Variants in LRRIQ3 observed in about 807,000 individuals in gnomAD.
LRRIQ3 encodes leucine rich repeats and IQ motif containing 3.
In LRRIQ3, 75 loss-of-function variants were observed where a neutral mutation model predicts 59.3. The observed-to-expected ratio is 1.26, with a 90% confidence interval of 1.05 to 1.53. The LOEUF (loss-of-function observed/expected upper bound fraction) is 1.53. Ranked by LOEUF, LRRIQ3 falls within the 40% of genes most tolerant of loss-of-function variation. LRRIQ3 has a pLI of 0.00. For synonymous variants in LRRIQ3, 250 were observed against 231.3 expected (o/e 1.08, Z -0.73); for missense variants, 831 against 710.0 (o/e 1.17, Z -1.94).
At chr1:74,134,234 G>C (rs1357560714) in intron 4 of LRRIQ3, among the ~76,000 whole-genome samples, 1 of 151,904 alleles carries the variant, frequency 6.6e-6, no homozygotes, top group Non-Finnish European at 1.5e-5. Flanking sequence ...TTCACTAAAG[G>C]CATATAACCA....
chr1:74,032,568 C>A (rs1214535860), intron 7 of LRRIQ3, among the ~76,000 whole-genome samples: 1 of 152,064 alleles, frequency 6.6e-6, no homozygotes, highest in East Asian at 1.9e-4. Flanking sequence ...CATGTAAAAC[C>A]CTTCTTATAC....
At chr1:74,157,123 A>G (rs970369294) in intron 3 of LRRIQ3, among the ~76,000 whole-genome samples, 5 of 152,010 alleles carry the variant, frequency 3.3e-5, no homozygotes, top group East Asian at 1.9e-4. Flanking sequence ...TCTTTATTCT[A>G]TTCCCAACAT....
intron 7 of LRRIQ3, 57 bp downstream of exon 7, chr1:74,041,156 T>C: frequency 7.4e-7 from 1 of 1,352,590 alleles, no homozygotes; most frequent in Admixed American, 2.3e-5. Context: ...AAATTTAGCA[T>C]GCAATATTCA....
intron 3 of LRRIQ3, among the ~76,000 whole-genome samples, chr1:74,172,209 T>G (rs1348847218): frequency 6.6e-6 from 1 of 152,112 alleles, no homozygotes; most frequent in East Asian, 1.9e-4. Context: ...TTTTTCTTTT[T>G]TAAAATAGAT....
intron 6 of LRRIQ3, among the ~76,000 whole-genome samples, chr1:74,067,846 T>C (rs1458399513): frequency 6.6e-6 from 1 of 152,136 alleles, no homozygotes; most frequent in East Asian, 1.9e-4. Context: ...ATTTGTTATT[T>C]AGAAGCAGAC....
intron 4 of LRRIQ3, among the ~76,000 whole-genome samples, chr1:74,129,713 T>C (rs1223000936): frequency 6.6e-6 from 1 of 152,006 alleles, no homozygotes; most frequent in Admixed American, 6.6e-5. Flanking sequence ...CCAGTATGTC[T>C]CTCAGTCTCA....
rs1648289049 is a variant in LRRIQ3, at chr1:74,155,824, T to C, written c.616A>G (p.Thr206Ala). The C allele has an allele frequency of 1.3e-6, 2 of 1,560,350 alleles. No homozygotes were observed. The highest frequency in any genetic ancestry group is 1.4e-5 in the African/African-American group (1 of 72,682). Reference sequence around the variant, plus strand: ...GCCAGAATTGCATTAATTTTTGAAGTAATATGTTTAATATTATTAATTTCC... The same window carrying C: ...GCCAGAATTGCATTAATTTTTGAAGCAATATGTTTAATATTATTAATTTCC... ...EEEINNIKHI[T>A]SKINAILAHN... The change falls in exon 4 of 8, where the codon ACT becomes GCT. Residue 206 changes from threonine to alanine, a missense_variant. Physicochemically the swap from Thr to Ala is moderately conservative, Grantham distance 58. Transcript: ENST00000354431.
At chr1:74,106,445 C>T (rs981535928) in intron 5 of LRRIQ3, among the ~76,000 whole-genome samples, 8 of 151,914 alleles carry the variant, frequency 5.3e-5, no homozygotes, top group Non-Finnish European at 1.2e-4. Context: ...CCATCTATTT[C>T]CTTTTGGCTC....
chr1:74,085,386 A>G (rs558506312), intron 5 of LRRIQ3, among the ~76,000 whole-genome samples: 13 of 151,672 alleles, frequency 8.6e-5, no homozygotes, highest in Admixed American at 6.6e-4. Context: ...TAGTGTAAAA[A>G]TGTTCATATA....
At chr1:74,052,686 T>C (rs1654404565) in intron 6 of LRRIQ3, among the ~76,000 whole-genome samples, 1 of 152,104 alleles carries the variant, frequency 6.6e-6, no homozygotes, top group Non-Finnish European at 1.5e-5. Flanking sequence ...TATCTTTATC[T>C]GATATAATAA....
chr1:74,181,126 G>A (rs888196194), intron 3 of LRRIQ3: 2 of 239,826 alleles, frequency 8.3e-6, no homozygotes, highest in Non-Finnish European at 1.6e-5. Context: ...GAAATAAAAT[G>A]TATAAAGCGC....
intron 5 of LRRIQ3, among the ~76,000 whole-genome samples, chr1:74,102,910 T>A (rs760108358): frequency 6.6e-6 from 1 of 151,990 alleles, no homozygotes; most frequent in African/African-American, 2.4e-5. Flanking sequence ...TAATAAATGG[T>A]GTCAAAGATG....
chr1:74,171,390 T>A (rs1649313047), intron 3 of LRRIQ3, among the ~76,000 whole-genome samples: 1 of 152,172 alleles, frequency 6.6e-6, no homozygotes, highest in African/African-American at 2.4e-5. Context: ...TTTTTCTGCA[T>A]CTATGGAGAT....
intron 6 of LRRIQ3, among the ~76,000 whole-genome samples, chr1:74,052,960 G>T (rs924539390): frequency 1.2e-4 from 18 of 151,990 alleles, no homozygotes; most frequent in Non-Finnish European, 8.8e-5. Context: ...ATATGCCAAA[G>T]AATGTATCTT....
At chr1:74,069,797 A>G (rs1654969253) in intron 6 of LRRIQ3, among the ~76,000 whole-genome samples, 1 of 152,100 alleles carries the variant, frequency 6.6e-6, no homozygotes, top group African/African-American at 2.4e-5. Flanking sequence ...CATCCTTACA[A>G]TAATATGCAA....
Position 74,182,804 on chromosome 1 carries a change from A to G in LRRIQ3, c.307T>C (p.Tyr103His), listed in dbSNP as rs773063444. 7.5e-6 allele frequency: 12 copies of G among 1,604,088 alleles called. No individual in the cohort carries two copies. Among genetic ancestry groups the G allele is most frequent in the Non-Finnish European group, 1.0e-5 (12 of 1,174,492 alleles). ...TTTGCAAACCCATTGTCATGAAGAT[A>G]GAGTAGTTTTAGGTTCTTCAATCCA... The part of the protein sequence containing the change: ...WNGLKNLKLL[Y>H]LHDNGFAKLK... Residue 103 changes from tyrosine (Y) to histidine (H), a missense_variant, in exon 3 of 8, where the codon TAT becomes CAT. Physicochemically the swap from Tyr to His is moderately conservative, Grantham distance 83. Transcript: ENST00000354431.
intron 3 of LRRIQ3, among the ~76,000 whole-genome samples, chr1:74,169,232 A>T (rs1421245863): frequency 6.6e-6 from 1 of 152,074 alleles, no homozygotes; most frequent in Non-Finnish European, 1.5e-5. Context: ...GTCCATCCAT[A>T]TTGTCACAAA....
intron 4 of LRRIQ3, among the ~76,000 whole-genome samples, chr1:74,145,376 G>C (rs1647506904): frequency 6.6e-6 from 1 of 152,122 alleles, no homozygotes; most frequent in Non-Finnish European, 1.5e-5. Context: ...TCTCACTGCT[G>C]TTCCTTTTCC....
At chr1:74,171,348 A>T (rs890942922) in intron 3 of LRRIQ3, among the ~76,000 whole-genome samples, 3 of 152,116 alleles carry the variant, frequency 2.0e-5, no homozygotes, top group African/African-American at 7.2e-5. Context: ...GAGCTTTTTT[A>T]ATCATAAAAG....
Sources: allele counts gnomAD v4.1 joint callset (sites outside exome capture counted in the v4.1 genomes callset), GRCh38; gene constraint gnomAD v4.1.1; transcripts MANE v1.5; gene names NCBI Gene and HGNC (gene_info 2026-07-23, HGNC 2026-07-21).